FGD4: variants seen among roughly 807,000 people sequenced by gnomAD.
FGD4 encodes FYVE, RhoGEF and PH domain-containing protein 4.
Under a neutral mutation model 102.0 loss-of-function variants are expected in FGD4, and 42 were observed. The observed-to-expected ratio is 0.41, with a 90% confidence interval of 0.32 to 0.53. FGD4 has a LOEUF of 0.53. Ranked by LOEUF, FGD4 falls within the 20% of genes least tolerant of loss-of-function variation. The probability of loss-of-function intolerance (pLI) is 0.21; values close to 1 mark genes in which losing one functional copy is unlikely to be tolerated. For missense variants in FGD4, 902 were observed against 1,078.2 expected (o/e 0.84, Z 2.29); for synonymous variants, 380 against 375.7 (o/e 1.01, Z -0.13).
chr12:32,615,923 C>A (rs1949424544), intron 10 of FGD4, among the ~76,000 whole-genome samples: 1 of 152,076 alleles, frequency 6.6e-6, no homozygotes, highest in Admixed American at 6.6e-5. Flanking sequence ...GGTGTGAGTT[C>A]TGACTTGGTT....
At chr12:32,542,834 C>T (rs1942946750) in intron 1 of FGD4, among the ~76,000 whole-genome samples, 2 of 152,176 alleles carry the variant, frequency 1.3e-5, no homozygotes, top group African/African-American at 4.8e-5. Flanking sequence ...CTCAAGGCTC[C>T]TAACTGGTGA....
At chr12:32,576,157 T>G in intron 2 of FGD4, 109 bp from the exon 3 acceptor site, 1 of 1,167,370 alleles carries the variant, frequency 8.6e-7, no homozygotes, top group Non-Finnish European at 1.2e-6. Flanking sequence ...ACCTGCCCCC[T>G]TTACAATAAT....
chr12:32,537,932 G>A (rs1238876055), intron 1 of FGD4, among the ~76,000 whole-genome samples: 2 of 152,126 alleles, frequency 1.3e-5, no homozygotes, highest in Non-Finnish European at 2.9e-5. Flanking sequence ...GAGTCTTTCT[G>A]TCATCCAGGC....
chr12:32,561,612 T>C (rs939731088), intron 1 of FGD4, among the ~76,000 whole-genome samples: 1 of 152,244 alleles, frequency 6.6e-6, no homozygotes, highest in Non-Finnish European at 1.5e-5. Flanking sequence ...CATTCTTTGA[T>C]TCAATTATAC....
At chr12:32,633,717 T>C in intron 15 of FGD4, 28 bp downstream of exon 15, 1 of 1,567,000 alleles carries the variant, frequency 6.4e-7, no homozygotes, top group Admixed American at 1.7e-5. Flanking sequence ...TTGGATATCT[T>C]TTAGATTATT....
chr12:32,406,323 G>A (rs904665174), intron 1 of FGD4, among the ~76,000 whole-genome samples: 2 of 151,776 alleles, frequency 1.3e-5, no homozygotes, highest in African/African-American at 2.4e-5. Flanking sequence ...GGAGGCAGAA[G>A]CAGGCGGATC....
intron 1 of FGD4, among the ~76,000 whole-genome samples, chr12:32,418,525 G>T (rs915449520): frequency 6.6e-6 from 1 of 152,144 alleles, no homozygotes; most frequent in Middle Eastern, 3.2e-3. Context: ...TTACCAAGCA[G>T]AGACTCTTGT....
chr12:32,514,475 TCTCTC>T (rs1246321953), intron 1 of FGD4, among the ~76,000 whole-genome samples: 1 of 152,134 alleles, frequency 6.6e-6, no homozygotes, highest in African/African-American at 2.4e-5. Flanking sequence ...TTGTCTTGTC[TCTCTC>T]CCCAAATAGA....
chr12:32,579,187 C>T (rs549789120), intron 3 of FGD4, among the ~76,000 whole-genome samples: 65 of 151,812 alleles, frequency 4.3e-4, no homozygotes, highest in African/African-American at 1.4e-3. Flanking sequence ...GCTGGGATTA[C>T]AAGGCATGCA....
chr12:32,546,909 A>G (rs143279392), intron 1 of FGD4, among the ~76,000 whole-genome samples: 1 of 152,316 alleles, frequency 6.6e-6, no homozygotes, highest in East Asian at 1.9e-4. Flanking sequence ...CTTGATGTCT[A>G]TTGAGTTATC....
Position 32,601,334 on chromosome 12 carries a change from G to A in FGD4, c.1158G>A (p.Met386Ile), listed in dbSNP as rs1335886616. ...ACCGAGGCTCGTTTCCAGCAGAGAT[G>A]GTGAATAAAATCTTTTCTAATATTT... ...EANRGSFPAE[M>I]VNKIFSNISS... The change falls in exon 6 of 17, where the codon ATG (methionine) becomes ATA (isoleucine). Residue 386 changes from methionine (M) to isoleucine (I), a missense_variant. Coordinates refer to ENST00000534526, the MANE Select transcript of FGD4 (RefSeq NM_001370298.3). The A allele has an allele frequency of 6.8e-6, 11 of 1,613,980 alleles. No homozygotes were observed. Among genetic ancestry groups the A allele is most frequent in the Non-Finnish European group, 9.3e-6 (11 of 1,180,018 alleles).
chr12:32,487,726 C>A (rs1385999066), intron 1 of FGD4, among the ~76,000 whole-genome samples: 1 of 152,172 alleles, frequency 6.6e-6, no homozygotes, highest in African/African-American at 2.4e-5. Flanking sequence ...CATGCCCAGC[C>A]AATTTATATT....
chr12:32,558,303 C>T (rs986040875), intron 1 of FGD4, among the ~76,000 whole-genome samples: 1 of 152,188 alleles, frequency 6.6e-6, no homozygotes, highest in Admixed American at 6.5e-5. Flanking sequence ...GGACAATATG[C>T]TCCCATAAAG....
chr12:32,625,917 A>G, intron 14 of FGD4, 138 bp downstream of exon 14: 2 of 1,185,396 alleles, frequency 1.7e-6, no homozygotes, highest in South Asian at 1.2e-5. Context: ...CGTGCAGAGG[A>G]CTGTGCTGAG....
chr12:32,515,523 T>C (rs185765583), intron 1 of FGD4, among the ~76,000 whole-genome samples: 2 of 152,358 alleles, frequency 1.3e-5, no homozygotes, highest in African/African-American at 4.8e-5. Context: ...TCATAGACCG[T>C]AGGGCTGAGT....
At chr12:32,633,989 T>A (rs1950647410) in intron 15 of FGD4, among the ~76,000 whole-genome samples, 1 of 152,200 alleles carries the variant, frequency 6.6e-6, no homozygotes, top group African/African-American at 2.4e-5. Flanking sequence ...CAGCCTAGAT[T>A]TTTACAGAAG....
At chr12:32,504,238 A>T (rs925284004) in intron 1 of FGD4, among the ~76,000 whole-genome samples, 1 of 152,176 alleles carries the variant, frequency 6.6e-6, no homozygotes, top group Non-Finnish European at 1.5e-5. Flanking sequence ...CAAGAAACTT[A>T]GTGGTTCTTG....
chr12:32,565,666 T>C (rs1187066137), intron 2 of FGD4, among the ~76,000 whole-genome samples: 1 of 152,186 alleles, frequency 6.6e-6, no homozygotes, highest in Non-Finnish European at 1.5e-5. Flanking sequence ...TTGAGAGATA[T>C]AAGAGTGTCC....
rs1950995902 is a variant in FGD4 at position 32,638,813 on chromosome 12, G to C, written c.2454+18G>C. On this transcript the variant is annotated intron_variant, in intron 16 of 16. Coordinates refer to ENST00000534526, the MANE Select transcript of FGD4 (RefSeq NM_001370298.3). ...CCCCCCAGGTATCTAAACCACATCTGTCTGAAGGGACAGATGCCCTTGGGG... is the reference window on the plus strand; with the variant it reads ...CCCCCCAGGTATCTAAACCACATCTCTCTGAAGGGACAGATGCCCTTGGGG... 6.2e-7 allele frequency: 1 copy of C among 1,613,836 alleles called. No individual in the cohort carries two copies. Among genetic ancestry groups the C allele is most frequent in the African/African-American group, 1.3e-5 (1 of 75,038 alleles).
Sources: gnomAD v4.1 joint callset for allele counts (sites outside exome capture counted in the v4.1 genomes callset) on GRCh38, gnomAD v4.1.1 for gene constraint, MANE v1.5 for transcripts, NCBI Gene and HGNC (gene_info 2026-07-23, HGNC 2026-07-21) for gene names.